The following PLCB4 variants were observed in gnomAD, a reference collection of about 807,000 sequenced individuals.
PLCB4 encodes the protein phospholipase C beta 4, also known as 1-phosphatidylinositol 4,5-bisphosphate phosphodiesterase beta-4.
In PLCB4, 77 loss-of-function variants were observed where a neutral mutation model predicts 178.8. The ratio of observed to expected loss-of-function variants is 0.43; its 90% CI spans 0.36 to 0.52. PLCB4 has a LOEUF of 0.52. Among genes scored for constraint, PLCB4 ranks in the 20% least tolerant of loss-of-function variants. The probability of loss-of-function intolerance (pLI) is 0.00; values close to 1 mark genes in which losing one functional copy is unlikely to be tolerated. For synonymous variants in PLCB4, 496 were observed against 490.8 expected (o/e 1.01, Z -0.14); for missense variants, 1,024 against 1,453.4 (o/e 0.70, Z 4.80).
chr20:9,179,950 GA>G (rs1309990228), intron 2 of PLCB4, among the ~76,000 whole-genome samples: 1 of 151,946 alleles, frequency 6.6e-6, no homozygotes, highest in Non-Finnish European at 1.5e-5. Flanking sequence ...AGAATGAGGG[GA>G]AAAAAGGAGA....
intron 19 of PLCB4, among the ~76,000 whole-genome samples, chr20:9,398,421 G>T (rs1026768298): frequency 3.3e-5 from 5 of 152,114 alleles, no homozygotes; most frequent in African/African-American, 1.2e-4. Flanking sequence ...ATAGAACTGT[G>T]TTTCAAATGG....
intron 2 of PLCB4, among the ~76,000 whole-genome samples, chr20:9,112,796 T>G (rs1005274372): frequency 6.6e-6 from 1 of 152,168 alleles, no homozygotes; most frequent in African/African-American, 2.4e-5. Flanking sequence ...GCCTGGGGAT[T>G]CTTTATAGAG....
chr20:9,244,172 A>ATCAT (rs1269438102), intron 3 of PLCB4, among the ~76,000 whole-genome samples: 1 of 152,126 alleles, frequency 6.6e-6, no homozygotes, highest in African/African-American at 2.4e-5. Context: ...CTAATCATGA[A>ATCAT]TCATTTCTCT....
chr20:9,464,442 A>T (rs2043623589), intron 35 of PLCB4, among the ~76,000 whole-genome samples: 2 of 152,360 alleles, frequency 1.3e-5, no homozygotes, highest in South Asian at 4.1e-4. Context: ...AGCAGAACTG[A>T]AAGAGATAGC....
At position 9,188,358 on chromosome 20, in the gene PLCB4, T is replaced by A. The variant is rs6108268; in HGVS notation, c.-78-29032T>A. Among the ~76,000 whole-genome samples, 496 of 152,346 alleles carry A rather than the reference T, an allele frequency of 3.3e-3. 3 individuals carry two copies. Among genetic ancestry groups the A allele is most frequent in the African/African-American group, 0.012 (484 of 41,598 alleles). On this transcript the variant is annotated intron_variant, in intron 2 of 39. Transcript: ENST00000378473. ...CACTGTGTGGGAGTCACTTGTCATGTGCGAGGAACAGCAAGGACATCCTTC... is the reference window on the plus strand; with the variant it reads ...CACTGTGTGGGAGTCACTTGTCATGAGCGAGGAACAGCAAGGACATCCTTC...
intron 3 of PLCB4, among the ~76,000 whole-genome samples, chr20:9,268,161 A>C (rs1176538650): frequency 6.6e-6 from 1 of 152,190 alleles, no homozygotes; most frequent in Non-Finnish European, 1.5e-5. Context: ...AATTCAGTAA[A>C]GACTTTTTTG....
intron 9 of PLCB4, 35 bp downstream of exon 9, chr20:9,365,549 G>T: frequency 7.4e-7 from 1 of 1,342,786 alleles, no homozygotes; most frequent in South Asian, 1.2e-5. Flanking sequence ...TCCGTGTCCC[G>T]GGTCAACGCT....
chr20:9,445,006 A>G (rs2042329475), intron 32 of PLCB4, among the ~76,000 whole-genome samples: 1 of 152,052 alleles, frequency 6.6e-6, no homozygotes, highest in Non-Finnish European at 1.5e-5. Context: ...TCTGAAATAG[A>G]TTTATTTTTG....
intron 1 of PLCB4, among the ~76,000 whole-genome samples, chr20:9,093,086 A>G (rs939415898): frequency 1.3e-5 from 2 of 152,264 alleles, no homozygotes; most frequent in East Asian, 3.9e-4. Context: ...TCATTCATTC[A>G]CTTATTTGAC....
intron 25 of PLCB4, among the ~76,000 whole-genome samples, chr20:9,413,380 AGGCG>A (rs2039996312): frequency 2.0e-5 from 3 of 149,796 alleles, no homozygotes; most frequent in African/African-American, 7.6e-5. Flanking sequence ...TGGGAGGCCG[AGGCG>A]GGCAGTGGCT....
chr20:9,409,723 C>G (rs1261858555), intron 24 of PLCB4, among the ~76,000 whole-genome samples: 1 of 152,088 alleles, frequency 6.6e-6, no homozygotes. Flanking sequence ...CTTGGTCCTC[C>G]AAAGTGTACT....
chr20:9,243,504 G>A (rs1379408439), intron 3 of PLCB4, among the ~76,000 whole-genome samples: 2 of 152,238 alleles, frequency 1.3e-5, no homozygotes, highest in African/African-American at 4.8e-5. Flanking sequence ...TTGTGTTTGT[G>A]AAAGAGCAGT....
rs559941871 is a variant in PLCB4 at position 9,220,247 on chromosome 20, T to G, written c.-16+2795T>G. Among the ~76,000 whole-genome samples, 10 of 152,358 alleles carry G rather than the reference T, an allele frequency of 6.6e-5. No homozygotes were observed. In the South Asian group the frequency reaches 1.9e-3, roughly 28 times the overall value. ...AAAGTAAACAACCCTTGATAACTTC[T>G]CTCCTGTGGCATTTTAGTTTGGAAG... is the stretch of plus-strand genomic sequence containing the variant. On this transcript the variant is annotated intron_variant, in intron 3 of 39. Transcript: ENST00000378473.
In PLCB4 at chr20:9,366,389, T is replaced by TC. The variant is rs2035783736; in HGVS notation, c.503+877dup. ...TCCAGCCTGGGTGACAGAGTGAGAC[T>TC]CCATCTCAAAAAAAAAAAAAAAAAA... On this transcript the variant is annotated intron_variant, in intron 9 of 39. Coordinates refer to ENST00000378473, the MANE Select transcript of PLCB4 (RefSeq NM_001377142.1). Among the ~76,000 whole-genome samples, 2 of 105,454 alleles carry TC rather than the reference T, an allele frequency of 1.9e-5. 1 individual carries two copies. The highest frequency in any genetic ancestry group is 6.9e-4 in the South Asian group (2 of 2,914). The allele number at this position is 105,454 out of a possible 152,430, so 69.2% of individuals were successfully genotyped here.
intron 2 of PLCB4, among the ~76,000 whole-genome samples, chr20:9,099,103 T>C (rs985973264): frequency 5.3e-5 from 8 of 152,080 alleles, no homozygotes; most frequent in African/African-American, 1.7e-4. Flanking sequence ...CCATTTATAC[T>C]ACTATTATAA....
chr20:9,419,037 T>A (rs1271898901), intron 25 of PLCB4, among the ~76,000 whole-genome samples: 1 of 152,174 alleles, frequency 6.6e-6, no homozygotes. Context: ...GTGAATTTAT[T>A]TATTCCAATA....
rs555479986 is a variant in PLCB4 at position 9,329,444 on chromosome 20, C to T, written c.85-7682C>T. On this transcript the variant is annotated intron_variant, in intron 4 of 39. Coordinates refer to ENST00000378473, the MANE Select transcript of PLCB4 (RefSeq NM_001377142.1). Reference sequence around the variant, plus strand: ...GTTAATGTAGAGAAAGTACTTAGAGCGTTGCCTGGCTCTTAGGAAGCACTG... The same window carrying T: ...GTTAATGTAGAGAAAGTACTTAGAGTGTTGCCTGGCTCTTAGGAAGCACTG... 8.5e-5 allele frequency among the ~76,000 whole-genome samples: 13 copies of T among 152,190 alleles called. No individual in the cohort carries two copies. In the South Asian group the frequency reaches 1.5e-3, roughly 17 times the overall value.
chr20:9,366,591 T>C (rs552294873), intron 9 of PLCB4, among the ~76,000 whole-genome samples: 1 of 152,172 alleles, frequency 6.6e-6, no homozygotes, highest in Non-Finnish European at 1.5e-5. Context: ...CTGGGTACAG[T>C]TGGAAACTCT....
chr20:9,473,197 A>C (rs2044300537), intron 37 of PLCB4, 82 bp from the exon 38 acceptor site: 3 of 777,652 alleles, frequency 3.9e-6, no homozygotes, highest in Non-Finnish European at 6.1e-6. Context: ...TTAAATTATA[A>C]AGTTACAAGT....
Sources: gnomAD v4.1 joint callset for allele counts (sites outside exome capture counted in the v4.1 genomes callset) on GRCh38, gnomAD v4.1.1 for gene constraint, MANE v1.5 for transcripts, NCBI Gene and HGNC (gene_info 2026-07-23, HGNC 2026-07-21) for gene names.